The following GALNT10 variants were observed in gnomAD, a reference collection of about 807,000 sequenced individuals.
The protein encoded by GALNT10 is polypeptide N-acetylgalactosaminyltransferase 10, also known as GalNAc transferase 10.
In GALNT10, 41 loss-of-function variants were observed where a neutral mutation model predicts 75.0. That is an observed-to-expected ratio of 0.55 (90% CI 0.43 to 0.71). The LOEUF (loss-of-function observed/expected upper bound fraction) is 0.71, where lower values mean the gene tolerates loss of function less well. Among genes scored for constraint, GALNT10 ranks in the 30% least tolerant of loss-of-function variants. The probability of loss-of-function intolerance (pLI) is 0.00; values close to 1 mark genes in which losing one functional copy is unlikely to be tolerated. For missense variants in GALNT10, 727 were observed against 818.5 expected (o/e 0.89, Z 1.36); for synonymous variants, 302 against 313.0 (o/e 0.96, Z 0.37).
At chr5:154,346,502 A>G (rs1755126135) in intron 4 of GALNT10, among the ~76,000 whole-genome samples, 1 of 152,256 alleles carries the variant, frequency 6.6e-6, no homozygotes, top group Admixed American at 6.5e-5. Context: ...AACACAGCAC[A>G]TGCAGTACAT....
intron 1 of GALNT10, among the ~76,000 whole-genome samples, chr5:154,260,817 A>G (rs2443518): frequency 0.24 from 37,202 of 152,166 alleles, 5,531 homozygotes; most frequent in African/African-American, 0.42. Flanking sequence ...GAGTCAATGC[A>G]GCCTCATGGA....
intron 7 of GALNT10, among the ~76,000 whole-genome samples, chr5:154,400,621 G>A (rs1756142551): frequency 6.6e-6 from 1 of 152,168 alleles, no homozygotes; most frequent in Admixed American, 6.5e-5. Flanking sequence ...GATTAGACCA[G>A]GGACATAATC....
chr5:154,219,836 T>TCACACACACACACA (rs1192106045), intron 1 of GALNT10, among the ~76,000 whole-genome samples: 149 of 134,282 alleles, frequency 1.1e-3, no homozygotes, highest in Middle Eastern at 7.2e-3. Flanking sequence ...TCTCTCTCTC[T>TCACACACACACACA]CTCACACACA....
At chr5:154,272,811 G>A (rs1025266542) in intron 1 of GALNT10, among the ~76,000 whole-genome samples, 3 of 152,184 alleles carry the variant, frequency 2.0e-5, no homozygotes, top group Non-Finnish European at 4.4e-5. Flanking sequence ...TCTTCTCTAT[G>A]GGAGAAAGAG....
intron 4 of GALNT10, among the ~76,000 whole-genome samples, chr5:154,337,312 A>C (rs1321281219): frequency 6.6e-6 from 1 of 152,206 alleles, no homozygotes; most frequent in East Asian, 1.9e-4. Context: ...TTTTGCCCAT[A>C]CACATGAATA....
At chr5:154,238,982 G>C (rs1046635571) in intron 1 of GALNT10, among the ~76,000 whole-genome samples, 3 of 152,070 alleles carry the variant, frequency 2.0e-5, no homozygotes, top group Non-Finnish European at 2.9e-5. Context: ...TCTCAGGGAG[G>C]GGCGATCTCA....
At chr5:154,386,581 A>G in intron 7 of GALNT10, 151 bp downstream of exon 7, 1 of 345,784 alleles carries the variant, frequency 2.9e-6, no homozygotes, top group Non-Finnish European at 5.7e-6. Context: ...ACAGGGGCTC[A>G]TGGGCCACTC....
chr5:154,192,851 T>G (rs1774880347), intron 1 of GALNT10, among the ~76,000 whole-genome samples: 1 of 152,142 alleles, frequency 6.6e-6, no homozygotes, highest in African/African-American at 2.4e-5. Context: ...CGTATTTCAT[T>G]TGCAATAGAT....
Position 154,225,302 on chromosome 5 carries a change from C to G in GALNT10, c.159+34277C>G, listed in dbSNP as rs564981512. ...AGAGATGGGATTTCACCCTGTTAGC[C>G]AGAATCGTCTCGATCTCCTGACCTC... On this transcript the variant is annotated intron_variant, in intron 1 of 11. Coordinates refer to ENST00000297107, the MANE Select transcript of GALNT10 (RefSeq NM_198321.4). Among the ~76,000 whole-genome samples, 5 of 151,762 alleles carry G rather than the reference C, an allele frequency of 3.3e-5. No individual in the cohort carries two copies. In the East Asian group the frequency reaches 9.7e-4, roughly 30 times the overall value.
chr5:154,397,784 G>A (rs985747939), intron 7 of GALNT10, among the ~76,000 whole-genome samples: 4 of 152,176 alleles, frequency 2.6e-5, no homozygotes, highest in African/African-American at 9.7e-5. Flanking sequence ...GTCGGGTGCC[G>A]TGCCATTCCT....
At chr5:154,368,493 T>C (rs1455169235) in intron 4 of GALNT10, among the ~76,000 whole-genome samples, 1 of 152,144 alleles carries the variant, frequency 6.6e-6, no homozygotes, top group Non-Finnish European at 1.5e-5. Flanking sequence ...AAAAAAGAAA[T>C]GGCCGGCTTT....
chr5:154,343,707 G>T (rs148908501), intron 4 of GALNT10, among the ~76,000 whole-genome samples: 1 of 152,070 alleles, frequency 6.6e-6, no homozygotes, highest in Non-Finnish European at 1.5e-5. Flanking sequence ...CATCAATTCT[G>T]GGGGGTAGAT....
intron 1 of GALNT10, among the ~76,000 whole-genome samples, chr5:154,248,366 G>T (rs1470106196): frequency 6.6e-6 from 1 of 152,196 alleles, no homozygotes; most frequent in Non-Finnish European, 1.5e-5. Flanking sequence ...CTATTGATTG[G>T]AATAGTTTCA....
intron 1 of GALNT10, among the ~76,000 whole-genome samples, chr5:154,227,363 ATATCT>A (rs1321224858): frequency 6.6e-6 from 1 of 152,206 alleles, no homozygotes; most frequent in Non-Finnish European, 1.5e-5. Context: ...GTATGTGGTG[ATATCT>A]TAACGTGGTT....
intron 1 of GALNT10, among the ~76,000 whole-genome samples, chr5:154,254,029 C>A (rs1307144381): frequency 6.6e-6 from 1 of 152,148 alleles, no homozygotes; most frequent in African/African-American, 2.4e-5. Context: ...GACTGCAGTT[C>A]TTACCTTAGC....
At chr5:154,233,497 T>A (rs1314057436) in intron 1 of GALNT10, among the ~76,000 whole-genome samples, 1 of 152,188 alleles carries the variant, frequency 6.6e-6, no homozygotes, top group Non-Finnish European at 1.5e-5. Flanking sequence ...AGCACTGTGT[T>A]ATGAACAAAG....
In GALNT10 at chr5:154,378,317, T is replaced by TATCATCATCATCATCATCATC. The variant is rs111591729; in HGVS notation, c.754+1861_754+1881dup. Among the ~76,000 whole-genome samples the TATCATCATCATCATCATCATC allele has an allele frequency of 4.3e-3, 647 of 150,988 alleles. 8 individuals carry two copies. In the East Asian group the frequency reaches 0.053, roughly 12 times the overall value. On this transcript the variant is annotated intron_variant, in intron 5 of 11. Coordinates refer to ENST00000297107, the MANE Select transcript of GALNT10 (RefSeq NM_198321.4). ...CACTGTTGATCATCATTTCCTTTTT[T>TATCATCATCATCATCATCATC]ATCATCATCATCATCATCATCATCA...
chr5:154,247,007 C>G (rs1214823653), intron 1 of GALNT10, among the ~76,000 whole-genome samples: 1 of 152,164 alleles, frequency 6.6e-6, no homozygotes, highest in African/African-American at 2.4e-5. Context: ...GGAAGGGATC[C>G]AGTTTCAGCT....
In GALNT10 at chr5:154,298,644, G is replaced by C. The variant is rs1754317936; in HGVS notation, c.401+565G>C. Among the ~76,000 whole-genome samples, 1 of 152,168 alleles carries C rather than the reference G, an allele frequency of 6.6e-6. No individual in the cohort carries two copies. Among genetic ancestry groups the C allele is most frequent in the African/African-American group, 2.4e-5 (1 of 41,422 alleles). ...ACAGTGAGAAAACTGGGGCTTAAAG[G>C]AGGGTCATAACTCACTTAAGGCTAT... On this transcript the variant is annotated intron_variant, in intron 3 of 11. Transcript: ENST00000297107. The surrounding 1 kb of genome is among the most constrained non-coding windows in gnomAD (Gnocchi z 4.1).
Sources: gnomAD v4.1 joint callset for allele counts (sites outside exome capture counted in the v4.1 genomes callset) on GRCh38, gnomAD v4.1.1 for gene constraint, Gnocchi (gnomAD v3.1) non-coding constraint, MANE v1.5 for transcripts, NCBI Gene and HGNC (gene_info 2026-07-23, HGNC 2026-07-21) for gene names.